The following DPP6 variants were observed in gnomAD, a reference collection of about 807,000 sequenced individuals.
The protein encoded by DPP6 is A-type potassium channel modulatory protein DPP6.
Under a neutral mutation model 122.6 loss-of-function variants are expected in DPP6, and 69 were observed. The observed-to-expected ratio is 0.56, with a 90% CI of 0.46 to 0.69. The LOEUF (loss-of-function observed/expected upper bound fraction) is 0.69, where lower values mean the gene tolerates loss of function less well. DPP6 is among the 30% of genes least tolerant of loss of function. The pLI, the probability that DPP6 is intolerant of heterozygous loss-of-function variation, is 0.00. For synonymous variants in DPP6, 418 were observed against 433.1 expected (o/e 0.97, Z 0.43); for missense variants, 928 against 1,116.9 (o/e 0.83, Z 2.41).
At chr7:154,885,839 G>C in intron 22 of DPP6, 95 bp downstream of exon 22, 1 of 1,477,536 alleles carries the variant, frequency 6.8e-7, no homozygotes, top group Non-Finnish European at 9.0e-7. Flanking sequence ...CAGCACCACC[G>C]TCCCGCTAAC....
At chr7:154,060,090 A>AG (rs1244274605) in intron 1 of DPP6, among the ~76,000 whole-genome samples, 7 of 128,700 alleles carry the variant, frequency 5.4e-5, no homozygotes, top group South Asian at 2.5e-4. Context: ...CCACCATCGC[A>AG]GGGGGGGAGG....
intron 4 of DPP6, among the ~76,000 whole-genome samples, chr7:154,561,677 C>G (rs1830435332): frequency 1.3e-5 from 2 of 151,970 alleles, no homozygotes; most frequent in South Asian, 4.1e-4. Context: ...CCCAAGTACA[C>G]AGAAGAATAG....
intron 1 of DPP6, among the ~76,000 whole-genome samples, chr7:154,159,003 A>C (rs1341206068): frequency 6.6e-6 from 1 of 152,078 alleles, no homozygotes; most frequent in African/African-American, 2.4e-5. Context: ...TGAGACCTGA[A>C]TACCTTAGGT....
intron 7 of DPP6, among the ~76,000 whole-genome samples, chr7:154,708,660 TA>T (rs534257941): frequency 1.3e-5 from 2 of 152,098 alleles, no homozygotes; most frequent in East Asian, 1.9e-4. Context: ...TTTATTACGA[TA>T]AAAAAACCAA....
chr7:154,746,479 T>C (rs1250564633), intron 8 of DPP6, among the ~76,000 whole-genome samples: 1 of 152,194 alleles, frequency 6.6e-6, no homozygotes, highest in Non-Finnish European at 1.5e-5. Flanking sequence ...AGCTTGATTG[T>C]ACCATTCTGT....
At position 154,792,875 on chromosome 7, in the gene DPP6, C is replaced by T. The variant is rs372465240; in HGVS notation, c.1137-1204C>T. 5.6e-4 allele frequency among the ~76,000 whole-genome samples: 86 copies of T among 152,376 alleles called. 1 individual carries two copies. In the South Asian group the frequency reaches 0.011, roughly 19 times the overall value. ...GCAGCTGCAGACCTCCCCTCCTGGCCATGCGCCAGCAGCCGCCTGTCTTAG... is the reference window on the plus strand; with the variant it reads ...GCAGCTGCAGACCTCCCCTCCTGGCTATGCGCCAGCAGCCGCCTGTCTTAG... On this transcript the variant is annotated intron_variant, in intron 10 of 25. Coordinates refer to ENST00000377770, the MANE Select transcript of DPP6 (RefSeq NM_130797.4).
At chr7:154,250,200 G>GT (rs1222389848) in intron 1 of DPP6, among the ~76,000 whole-genome samples, 5 of 152,008 alleles carry the variant, frequency 3.3e-5, no homozygotes, top group African/African-American at 9.7e-5. Flanking sequence ...CGGGAGCTTG[G>GT]TTTTTGAGAC....
intron 8 of DPP6, among the ~76,000 whole-genome samples, chr7:154,758,988 T>A (rs970808636): frequency 1.1e-4 from 16 of 152,196 alleles, no homozygotes; most frequent in Admixed American, 1.0e-3. Context: ...TCAAAGTTGC[T>A]CTTCTCTTTA....
intron 1 of DPP6, among the ~76,000 whole-genome samples, chr7:153,907,259 G>A (rs1396678396): frequency 1.3e-5 from 2 of 152,114 alleles, no homozygotes; most frequent in African/African-American, 4.8e-5. Context: ...GATGAGTGAT[G>A]ATGAGCATTT....
chr7:154,285,309 G>T (rs1427647579), intron 1 of DPP6, among the ~76,000 whole-genome samples: 2 of 152,094 alleles, frequency 1.3e-5, no homozygotes, highest in Non-Finnish European at 2.9e-5. Context: ...TTGTCACCCA[G>T]GCTGGAGTGC....
intron 10 of DPP6, among the ~76,000 whole-genome samples, chr7:154,777,432 A>G (rs1029163800): frequency 3.9e-5 from 6 of 152,202 alleles, no homozygotes; most frequent in African/African-American, 1.2e-4. Context: ...GCAGGGACCC[A>G]GGCCTTGTTA....
intron 1 of DPP6, among the ~76,000 whole-genome samples, chr7:154,408,061 C>A: frequency 6.6e-6 from 1 of 152,116 alleles, no homozygotes; most frequent in East Asian, 1.9e-4. Context: ...CTGTTGTTGT[C>A]ATAATTATTG....
chr7:154,709,086 C>A (rs1841002889), intron 7 of DPP6, among the ~76,000 whole-genome samples: 1 of 152,104 alleles, frequency 6.6e-6, no homozygotes, highest in Non-Finnish European at 1.5e-5. Flanking sequence ...GAAAAGCATT[C>A]CTAATATAAA....
intron 5 of DPP6, among the ~76,000 whole-genome samples, chr7:154,573,360 T>A (rs1004263587): frequency 6.6e-6 from 1 of 152,208 alleles, no homozygotes; most frequent in Non-Finnish European, 1.5e-5. Context: ...CCGCCCTTTC[T>A]GCATCAGCCC....
At position 154,588,017 on chromosome 7, in the gene DPP6, A is replaced by G. The variant is rs117574002; in HGVS notation, c.627+21101A>G. ...GAGTGTGGCAGGTGTGAGGCATCGCATCTGCTCACCCCGGGGATAATGCAC... is the reference window on the plus strand; with the variant it reads ...GAGTGTGGCAGGTGTGAGGCATCGCGTCTGCTCACCCCGGGGATAATGCAC... On this transcript the variant is annotated intron_variant, in intron 5 of 25. Coordinates refer to ENST00000377770, the MANE Select transcript of DPP6 (RefSeq NM_130797.4). 8,705 of 1,612,816 alleles carry G rather than the reference A, an allele frequency of 5.4e-3. 26 individuals carry two copies. Among genetic ancestry groups the G allele is most frequent in the Non-Finnish European group, 6.8e-3 (8,014 of 1,179,828 alleles).
chr7:154,464,626 A>C (rs1821627670), intron 2 of DPP6, among the ~76,000 whole-genome samples: 1 of 152,236 alleles, frequency 6.6e-6, no homozygotes, highest in Admixed American at 6.5e-5. Context: ...TGTGTAACTG[A>C]ACAACTTTTC....
intron 1 of DPP6, among the ~76,000 whole-genome samples, chr7:154,350,771 T>C (rs997169432): frequency 5.3e-5 from 8 of 152,132 alleles, no homozygotes; most frequent in East Asian, 1.9e-4. Flanking sequence ...TTAATAATCA[T>C]AGGGCAGCTG....
At chr7:154,265,572 A>G (rs1803368082) in intron 1 of DPP6, among the ~76,000 whole-genome samples, 3 of 152,230 alleles carry the variant, frequency 2.0e-5, no homozygotes, top group Admixed American at 1.3e-4. Context: ...TTGTTCAATC[A>G]TAGTATTCAA....
intron 1 of DPP6, among the ~76,000 whole-genome samples, chr7:154,123,184 CT>C (rs1277247518): frequency 6.6e-6 from 1 of 152,202 alleles, no homozygotes; most frequent in Non-Finnish European, 1.5e-5. Context: ...TCCTCAAAGA[CT>C]TTTGTGTTTG....
Sources: gnomAD v4.1 joint callset for allele counts (sites outside exome capture counted in the v4.1 genomes callset) on GRCh38, gnomAD v4.1.1 for gene constraint, MANE v1.5 for transcripts, NCBI Gene and HGNC (gene_info 2026-07-23, HGNC 2026-07-21) for gene names.